SPOCK1: variants seen among roughly 807,000 people sequenced by gnomAD.
SPOCK1 encodes the protein SPARC (osteonectin), cwcv and kazal like domains proteoglycan 1.
In SPOCK1, 23 loss-of-function variants were observed where a neutral mutation model predicts 55.3. That is an observed-to-expected ratio of 0.42 (90% CI 0.30 to 0.59). The LOEUF is 0.59. Among genes scored for constraint, SPOCK1 ranks in the 20% least tolerant of loss-of-function variants. The pLI, the probability that SPOCK1 is intolerant of heterozygous loss-of-function variation, is 0.22. For synonymous variants in SPOCK1, 226 were observed against 221.0 expected, an observed-to-expected ratio of 1.02 and a Z score of -0.20; for missense variants, 499 against 552.5, an observed-to-expected ratio of 0.90 and a Z score of 0.97.
At chr5:137,370,311 C>A (rs749735824) in intron 2 of SPOCK1, among the ~76,000 whole-genome samples, 1 of 152,164 alleles carries the variant, frequency 6.6e-6, no homozygotes, top group Non-Finnish European at 1.5e-5. Flanking sequence ...ATCAGACAGT[C>A]ACACGCCGAC....
In SPOCK1 at chr5:137,067,724, C is replaced by T. The variant is rs1752536576; in HGVS notation, c.580G>A (p.Glu194Lys). The T allele has an allele frequency of 1.2e-6, 2 of 1,614,124 alleles. No homozygotes were observed. Among genetic ancestry groups the T allele is most frequent in the Non-Finnish European group, 1.7e-6 (2 of 1,179,978 alleles). The part of the protein sequence containing the change: ...PEPEPPKHKA[E>K]RSACTDKELR... The stretch of plus-strand genomic sequence containing the variant: ...GGAAACCCTCACTCACCACTCCTTT[C>T]TGCCTTGTGCTTTGGTGGCTCAGGC... Residue 194 changes from glutamate to lysine, a missense_variant, in exon 6 of 11, where the codon GAA (glutamate) becomes AAA (lysine). By Grantham distance (56) the Glu-to-Lys change is moderately conservative (BLOSUM62 1). This residue lies in a region of SPOCK1 where 386 missense variants were observed against 400.6 expected (regional missense o/e 0.96). Coordinates refer to ENST00000394945, the MANE Select transcript of SPOCK1 (RefSeq NM_004598.4).
chr5:137,045,278 T>C (rs1263529533), intron 6 of SPOCK1, among the ~76,000 whole-genome samples: 3 of 67,316 alleles, frequency 4.5e-5, no homozygotes, highest in South Asian at 9.5e-4. Flanking sequence ...AAAGTGTTCC[T>C]ATTTCTCCAC....
rs373303641 is a variant in SPOCK1 at position 137,191,322 on chromosome 5, C to A, written c.233-50628G>T. Among the ~76,000 whole-genome samples, 5 of 151,920 alleles carry A rather than the reference C, an allele frequency of 3.3e-5. No homozygotes were observed. In the East Asian group the frequency reaches 5.8e-4, roughly 18 times the overall value. On this transcript the variant is annotated intron_variant, in intron 3 of 10. Coordinates refer to ENST00000394945, the MANE Select transcript of SPOCK1 (RefSeq NM_004598.4). ...AAGTCCTTAGTTAATATGTATCTAA[C>A]TAATCTTCTCCATTCTCTTTTTTCA... is the stretch of plus-strand genomic sequence containing the variant.
rs1253311314 is a variant in SPOCK1, at chr5:137,060,219, CTG to C, written c.589+7494_589+7495del. 7.6e-4 allele frequency among the ~76,000 whole-genome samples: 115 copies of C among 152,302 alleles called. No homozygotes were observed. The East Asian group carries it at 0.018, about 24-fold the overall frequency. ...AACCTAAAAGCCCATCAGTGGTAAA[CTG>C]CATAAATAAAATGTGGTACACATGT... On this transcript the variant is annotated intron_variant, in intron 6 of 10. Transcript: ENST00000394945.
chr5:137,431,574 G>T (rs535757281), intron 2 of SPOCK1, among the ~76,000 whole-genome samples: 2 of 152,196 alleles, frequency 1.3e-5, no homozygotes, highest in Non-Finnish European at 2.9e-5. Flanking sequence ...GAGTGTTTGG[G>T]TCATGAGGGT....
chr5:137,231,885 T>C (rs1240786802), intron 3 of SPOCK1, among the ~76,000 whole-genome samples: 1 of 152,248 alleles, frequency 6.6e-6, no homozygotes, highest in Non-Finnish European at 1.5e-5. Context: ...TGCCACTATT[T>C]TTCACTTTAG....
chr5:136,999,160 G>A (rs1385022986), intron 6 of SPOCK1, among the ~76,000 whole-genome samples: 2 of 152,176 alleles, frequency 1.3e-5, no homozygotes, highest in African/African-American at 2.4e-5. Flanking sequence ...CAGCTGATGG[G>A]AGGGAGAAGG....
intron 2 of SPOCK1, among the ~76,000 whole-genome samples, chr5:137,364,533 T>C (rs1045878290): frequency 3.3e-4 from 50 of 152,224 alleles, no homozygotes; most frequent in African/African-American, 1.2e-3. Context: ...GCCCTGGTGA[T>C]ACCTGAATCC....
At chr5:137,290,988 T>C (rs910656616) in intron 2 of SPOCK1, among the ~76,000 whole-genome samples, 1 of 151,366 alleles carries the variant, frequency 6.6e-6, no homozygotes, top group Non-Finnish European at 1.5e-5. Context: ...TACTCTCTCT[T>C]TTATTTTTCA....
chr5:137,398,030 G>A (rs182372448), intron 2 of SPOCK1, among the ~76,000 whole-genome samples: 167 of 152,140 alleles, frequency 1.1e-3, no homozygotes, highest in Non-Finnish European at 1.8e-3. Flanking sequence ...GTCAATCCTC[G>A]GTAGCCTGGA....
chr5:137,070,680 T>G (rs897023642), intron 5 of SPOCK1, among the ~76,000 whole-genome samples: 1 of 152,208 alleles, frequency 6.6e-6, no homozygotes, highest in African/African-American at 2.4e-5. Context: ...GAGCTCCACA[T>G]TGAGTACTCT....
intron 3 of SPOCK1, among the ~76,000 whole-genome samples, chr5:137,183,425 G>C (rs1373888557): frequency 1.3e-5 from 2 of 152,144 alleles, no homozygotes; most frequent in African/African-American, 4.8e-5. Flanking sequence ...AGGATGAAGA[G>C]AGATCAGGGT....
intron 2 of SPOCK1, among the ~76,000 whole-genome samples, chr5:137,453,219 C>T (rs1293871056): frequency 2.0e-5 from 3 of 152,144 alleles, no homozygotes; most frequent in Non-Finnish European, 4.4e-5. Flanking sequence ...TTATGAAATT[C>T]GCTGTCAATG....
intron 5 of SPOCK1, among the ~76,000 whole-genome samples, chr5:137,103,330 A>T (rs532666547): frequency 1.3e-5 from 2 of 152,316 alleles, no homozygotes; most frequent in South Asian, 2.1e-4. Context: ...GGCTGGATAC[A>T]TTGCTGCCTG....
chr5:137,162,975 G>A (rs1293822733), intron 3 of SPOCK1, among the ~76,000 whole-genome samples: 1 of 152,184 alleles, frequency 6.6e-6, no homozygotes, highest in Non-Finnish European at 1.5e-5. Context: ...AGCAGAAAGG[G>A]AAGGCTGACT....
At chr5:137,329,976 A>G (rs1000537085) in intron 2 of SPOCK1, among the ~76,000 whole-genome samples, 1 of 152,270 alleles carries the variant, frequency 6.6e-6, no homozygotes, top group East Asian at 1.9e-4. Context: ...GTGGGAATTA[A>G]CTGTCATGAG....
chr5:137,338,186 A>T (rs1750330517), intron 2 of SPOCK1, among the ~76,000 whole-genome samples: 2 of 134,276 alleles, frequency 1.5e-5, no homozygotes, highest in African/African-American at 5.6e-5. Flanking sequence ...ACCCCACAAC[A>T]GTCCCCAGCG....
chr5:137,439,979 C>A (rs1013279275), intron 2 of SPOCK1, among the ~76,000 whole-genome samples: 22 of 151,998 alleles, frequency 1.4e-4, no homozygotes, highest in Admixed American at 9.8e-4. Context: ...TGAACAACAA[C>A]TGAATATTAT....
intron 3 of SPOCK1, among the ~76,000 whole-genome samples, chr5:137,265,199 C>A (rs1193262627): frequency 6.6e-6 from 1 of 152,194 alleles, no homozygotes; most frequent in Non-Finnish European, 1.5e-5. Flanking sequence ...TCATTTATAT[C>A]CCAAGTGGCA....
Sources: allele counts gnomAD v4.1 joint callset (sites outside exome capture counted in the v4.1 genomes callset), GRCh38; gene constraint gnomAD v4.1.1; regional missense constraint gnomAD v4.1.1; transcripts MANE v1.5; gene names NCBI Gene and HGNC (gene_info 2026-07-23, HGNC 2026-07-21).